The following TANGO2 variants were observed in gnomAD, a reference collection of about 807,000 sequenced individuals.
The protein encoded by TANGO2 is transport and Golgi organization protein 2 homolog.
In TANGO2, 26 loss-of-function variants were observed where a neutral mutation model predicts 39.1. The ratio of observed to expected loss-of-function variants is 0.67; its 90% CI spans 0.49 to 0.92. TANGO2 has a LOEUF of 0.92. Among genes scored for constraint, TANGO2 ranks in the 40% least tolerant of loss-of-function variants. The pLI, the probability that TANGO2 is intolerant of heterozygous loss-of-function variation, is 0.00. For synonymous variants in TANGO2, 131 were observed against 144.5 expected, an observed-to-expected ratio of 0.91 and a Z score of 0.67; for missense variants, 326 against 360.1, an observed-to-expected ratio of 0.91 and a Z score of 0.77.
At chr22:20,024,236 T>C (rs1056393681) in intron 1 of TANGO2, among the ~76,000 whole-genome samples, 3 of 152,132 alleles carry the variant, frequency 2.0e-5, no homozygotes, top group South Asian at 2.1e-4. Flanking sequence ...AAATAAAAAA[T>C]GCCATTTAAT....
At chr22:20,046,685 T>G (rs933554598) in intron 3 of TANGO2, among the ~76,000 whole-genome samples, 3 of 152,150 alleles carry the variant, frequency 2.0e-5, no homozygotes, top group African/African-American at 7.2e-5. Context: ...AGGGTACATG[T>G]GCAGAACGTG....
intron 1 of TANGO2, chr22:20,033,065 G>A (rs1009418512): frequency 2.4e-6 from 1 of 414,246 alleles, no homozygotes; most frequent in Non-Finnish European, 4.7e-6. Flanking sequence ...GGGAGGTGAA[G>A]CTGGCAGGGG....
chr22:20,049,849 G>A (rs1569301997), intron 3 of TANGO2, among the ~76,000 whole-genome samples: 1 of 152,116 alleles, frequency 6.6e-6, no homozygotes, highest in Non-Finnish European at 1.5e-5. Context: ...CATGTGGGGA[G>A]AAGTGTCACC....
intron 8 of TANGO2, among the ~76,000 whole-genome samples, chr22:20,064,273 C>T (rs927244086): frequency 4.6e-5 from 7 of 152,178 alleles, no homozygotes; most frequent in East Asian, 1.9e-4. Flanking sequence ...TCATGCTACA[C>T]GGGGAGAGCA....
At position 20,052,465 on chromosome 22, in the gene TANGO2, G is replaced by T. The variant is rs2046533408; in HGVS notation, c.146G>T (p.Gly49Val). Residue 49 changes from glycine to valine, a missense_variant and splice_region_variant, in exon 4 of 9, where the codon GGG becomes GTG. Transcript: ENST00000327374. Reference sequence around the variant, plus strand: ...GTGGTAACACTGTCATCTGCCACAGGGCTGGACATGGAGGAAGGCAAGGAA... The same window carrying T: ...GTGGTAACACTGTCATCTGCCACAGTGCTGGACATGGAGGAAGGCAAGGAA... ...FWGNNNEILS[G>V]LDMEEGKEGG... 1 of 1,598,990 alleles carries T rather than the reference G, an allele frequency of 6.3e-7. No individual in the cohort carries two copies. The highest frequency in any genetic ancestry group is 1.3e-5 in the African/African-American group (1 of 74,870).
upstream of TANGO2, among the ~76,000 whole-genome samples, chr22:20,017,531 C>G (rs1428932156): frequency 6.6e-6 from 1 of 152,128 alleles, no homozygotes; most frequent in Non-Finnish European, 1.5e-5. Flanking sequence ...TTGGGCTTGT[C>G]CCACCCTGCA....
chr22:20,023,843 G>A (rs2040206886), intron 1 of TANGO2, among the ~76,000 whole-genome samples: 1 of 143,878 alleles, frequency 7.0e-6, no homozygotes, highest in African/African-American at 2.6e-5. Context: ...GGGCAACAGA[G>A]CGAAACTCCA....
chr22:20,017,646 A>G (rs1340953464), upstream of TANGO2, among the ~76,000 whole-genome samples: 5 of 152,152 alleles, frequency 3.3e-5, no homozygotes, highest in East Asian at 7.7e-4. Context: ...CGCACCCCGT[A>G]CTACTGTCCC....
chr22:20,019,152 T>G (rs1945409521), upstream of TANGO2: 1 of 152,152 alleles, frequency 6.6e-6, no homozygotes, highest in Non-Finnish European at 1.5e-5. Flanking sequence ...AGTAGCCCAG[T>G]GTTCTCCCTC....
intron 1 of TANGO2, among the ~76,000 whole-genome samples, chr22:20,036,238 C>A (rs1032276429): frequency 6.6e-6 from 1 of 152,154 alleles, no homozygotes; most frequent in Admixed American, 6.5e-5. Context: ...CCACAGTACT[C>A]GGCCTATGAG....
chr22:20,020,496 C>T (rs1255609633), upstream of TANGO2, among the ~76,000 whole-genome samples: 1 of 142,886 alleles, frequency 7.0e-6, no homozygotes, highest in Admixed American at 7.1e-5. Flanking sequence ...GATGTGAGCT[C>T]AAAGGCTACA....
At chr22:20,050,119 G>A (rs1028926850) in intron 3 of TANGO2, among the ~76,000 whole-genome samples, 4 of 152,004 alleles carry the variant, frequency 2.6e-5, no homozygotes, top group African/African-American at 7.2e-5. Context: ...GCTGAGGCAG[G>A]AGAATGGCCT....
At chr22:20,040,801 G>C (rs1326419751) in intron 2 of TANGO2, among the ~76,000 whole-genome samples, 3 of 152,222 alleles carry the variant, frequency 2.0e-5, no homozygotes, top group Non-Finnish European at 4.4e-5. Flanking sequence ...GGGACATGGA[G>C]ACTTGGGCTG....
At chr22:20,052,631 C>T (rs2046580966) in intron 4 of TANGO2, 47 bp downstream of exon 4, 2 of 1,540,964 alleles carry the variant, frequency 1.3e-6, no homozygotes, top group African/African-American at 2.7e-5. Context: ...TGGGGTGGGG[C>T]AGGCCTAGGT....
chr22:20,025,970 A>C (rs547995305), intron 1 of TANGO2, among the ~76,000 whole-genome samples: 1 of 152,248 alleles, frequency 6.6e-6, no homozygotes, highest in Non-Finnish European at 1.5e-5. Flanking sequence ...CCATGTGACT[A>C]GAAGTCCAGG....
chr22:20,043,482 T>C, intron 3 of TANGO2, 39 bp downstream of exon 3: 1 of 1,458,962 alleles, frequency 6.9e-7, no homozygotes, highest in Non-Finnish European at 9.6e-7. Context: ...CTGCGCCTTG[T>C]TGCTTCCCTA....
Position 20,043,396 on chromosome 22 carries a change from C to T in TANGO2, c.98C>T (p.Pro33Leu), listed in dbSNP as rs775278902. The change falls in exon 3 of 9, where the codon CCC (proline) becomes CTC (leucine). Residue 33 changes from proline to leucine, a missense_variant. By Grantham distance (98) the Pro-to-Leu change is moderately conservative. Transcript: ENST00000327374. ...AANRDEFYSRPSKLADFWGNN... is the reference protein window; with the variant it reads ...AANRDEFYSRLSKLADFWGNN... ...AACAGGGATGAATTCTACAGCCGAC[C>T]CTCCAAGTTAGCTGACTTCTGGGGG... 11 of 1,613,574 alleles carry T rather than the reference C, an allele frequency of 6.8e-6. No homozygotes were observed. Among genetic ancestry groups the T allele is most frequent in the Non-Finnish European group, 9.3e-6 (11 of 1,179,680 alleles).
chr22:20,066,593 A>C lies in TANGO2; in HGVS notation c.*1931A>C, dbSNP rs949584374. On this transcript the variant is annotated 3_prime_UTR_variant, in exon 9 of 9. Transcript: ENST00000327374. ...TTCCATGGCTCACTTTGAACTCAGA[A>C]GAGTTTCCCAGCTGCGACCCAGGCT... Among the ~76,000 whole-genome samples the C allele has an allele frequency of 1.3e-5, 2 of 152,182 alleles. No homozygotes were observed. The highest frequency in any genetic ancestry group is 2.9e-5 in the Non-Finnish European group (2 of 68,028).
Position 20,052,535 on chromosome 22 carries a change from A to C in TANGO2, c.216A>C (p.Ala72=). 6.2e-7 allele frequency: 1 copy of C among 1,602,948 alleles called. No homozygotes were observed. The highest frequency in any genetic ancestry group is 8.5e-7 in the Non-Finnish European group (1 of 1,175,236). Residue 72 remains alanine (A), a synonymous_variant, in exon 4 of 9, where the codon GCA becomes GCC. Transcript: ENST00000327374. ...TCAGCACACGTGGCAAGCTGGCAGCACTCACCAACTACCTGCAGCCGCAGC... is the reference window on the plus strand; with the variant it reads ...TCAGCACACGTGGCAAGCTGGCAGCCCTCACCAACTACCTGCAGCCGCAGC... ...LGISTRGKLA[A]LTNYLQPQLD... is the part of the protein sequence containing the mutation.
Sources: allele counts gnomAD v4.1 joint callset (sites outside exome capture counted in the v4.1 genomes callset), GRCh38; gene constraint gnomAD v4.1.1; transcripts MANE v1.5; gene names NCBI Gene and HGNC (gene_info 2026-07-23, HGNC 2026-07-21).